Variants in VPS16 observed in about 807,000 individuals in gnomAD.
The protein encoded by VPS16 is vacuolar protein sorting-associated protein 16 homolog.
Under a neutral mutation model 116.0 loss-of-function variants are expected in VPS16, and 82 were observed. That is an observed-to-expected ratio of 0.71 (90% CI 0.59 to 0.85). The LOEUF (loss-of-function observed/expected upper bound fraction) is 0.85. Among genes scored for constraint, VPS16 ranks in the 40% least tolerant of loss-of-function variants. The probability of loss-of-function intolerance (pLI) is 0.00; values close to 1 mark genes in which losing one functional copy is unlikely to be tolerated. For missense variants in VPS16, 928 were observed against 1,090.6 expected, an observed-to-expected ratio of 0.85 and a Z score of 2.10; for synonymous variants, 406 against 420.7, an observed-to-expected ratio of 0.96 and a Z score of 0.43.
chr20:2,863,193 T>C lies in VPS16; in HGVS notation c.1367+93T>C, dbSNP rs886355411. 2 of 1,610,274 alleles carry C rather than the reference T, an allele frequency of 1.2e-6. No homozygotes were observed. Among genetic ancestry groups the C allele is most frequent in the African/African-American group, 1.3e-5 (1 of 74,760 alleles). ...TCTTATGGTCACTGCTCCTGACCTA[T>C]CTAGGATGTGGGAGGCCTGATGTGC... On this transcript the variant is annotated intron_variant, in intron 14 of 23. Coordinates refer to ENST00000380445, the MANE Select transcript of VPS16 (RefSeq NM_022575.4). This position sits in a 1 kb window ranked among gnomAD's most constrained non-coding sequence, Gnocchi z 4.4.
intron 1 of VPS16, among the ~76,000 whole-genome samples, chr20:2,856,170 T>A (rs1271688873): frequency 6.6e-6 from 1 of 152,200 alleles, no homozygotes; most frequent in African/African-American, 2.4e-5. Context: ...CTACACTGTG[T>A]GTCTCAGGGA....
intron 1 of VPS16, among the ~76,000 whole-genome samples, chr20:2,846,054 GAAT>G (rs2089056233): frequency 6.7e-6 from 1 of 150,166 alleles, no homozygotes; most frequent in South Asian, 2.1e-4. Flanking sequence ...TGGCTATTGT[GAAT>G]AATCTGCTGT....
rs1419160906 is a variant in VPS16, at chr20:2,865,607, G to A, written c.2271+112G>A. ...CGTTCATGCTCCTGTTCAGCTGCCC[G>A]CATAGTTAGCGAGTGCTTCCTGTAT... On this transcript the variant is annotated intron_variant, in intron 22 of 23. Transcript: ENST00000380445. This position sits in a 1 kb window ranked among gnomAD's most constrained non-coding sequence, Gnocchi z 5.2. The A allele has an allele frequency of 1.7e-5, 17 of 978,332 alleles. No individual in the cohort carries two copies. Among genetic ancestry groups the A allele is most frequent in the African/African-American group, 1.5e-4 (9 of 61,056 alleles). The allele number at this position is 978,332 out of a possible 1,614,324, so 60.6% of individuals were successfully genotyped here.
intron 1 of VPS16, among the ~76,000 whole-genome samples, chr20:2,851,766 G>T (rs1306164245): frequency 6.6e-6 from 1 of 151,964 alleles, no homozygotes; most frequent in Non-Finnish European, 1.5e-5. Flanking sequence ...TCAGGAGATC[G>T]AGACCATCCT....
intron 1 of VPS16, among the ~76,000 whole-genome samples, chr20:2,854,960 A>ATTTTTTTTTTTTTTTT (rs547295825): frequency 9.1e-6 from 1 of 110,126 alleles, no homozygotes; most frequent in African/African-American, 3.9e-5. Context: ...ATGAGCAGTA[A>ATTTTTTTTTTTTTTTT]TTTTTTTTTT....
At chr20:2,853,973 A>G (rs2089146933) in intron 1 of VPS16, among the ~76,000 whole-genome samples, 1 of 151,838 alleles carries the variant, frequency 6.6e-6, no homozygotes, top group East Asian at 1.9e-4. Flanking sequence ...GTGCCCAGCC[A>G]TGAATCATAA....
chr20:2,862,342 C>G (rs751995278), intron 11 of VPS16: 134 of 992,372 alleles, frequency 1.4e-4, no homozygotes, highest in Middle Eastern at 3.3e-4. Flanking sequence ...CTATCCCCAC[C>G]CAGTCTGGGT....
At chr20:2,850,690 G>A (rs1329178762) in intron 1 of VPS16, among the ~76,000 whole-genome samples, 1 of 151,926 alleles carries the variant, frequency 6.6e-6, no homozygotes, top group Non-Finnish European at 1.5e-5. Context: ...TGATATGGTT[G>A]GACATGGTAG....
Position 2,865,572 on chromosome 20 carries a change from T to C in VPS16, c.2271+77T>C, listed in dbSNP as rs1568631097. On this transcript the variant is annotated intron_variant, in intron 22 of 23. Coordinates refer to ENST00000380445, the MANE Select transcript of VPS16 (RefSeq NM_022575.4). The surrounding 1 kb of genome is among the most constrained non-coding windows in gnomAD (Gnocchi z 5.2). ...AGAGAGGGCTAGGCAGGGAGACAGA[T>C]AGGATGGCCCGTTCATGCTCCTGTT... 4 of 1,356,692 alleles carry C rather than the reference T, an allele frequency of 2.9e-6. No individual in the cohort carries two copies. The highest frequency in any genetic ancestry group is 1.4e-5 in the African/African-American group (1 of 69,370). 84.0% of individuals were successfully genotyped at this position (1,356,692 alleles called of 1,614,324 possible).
chr20:2,863,876 G>A lies in VPS16; in HGVS notation c.1477-73G>A. On this transcript the variant is annotated intron_variant, in intron 15 of 23. Coordinates refer to ENST00000380445, the MANE Select transcript of VPS16 (RefSeq NM_022575.4). This position sits in a 1 kb window ranked among gnomAD's most constrained non-coding sequence, Gnocchi z 4.4. Reference sequence around the variant, plus strand: ...GGGAGGAAGGGAACTGAAGGGGTGGGTCCTAAGGGCTTGCAGGAGTGGAGA... The same window carrying A: ...GGGAGGAAGGGAACTGAAGGGGTGGATCCTAAGGGCTTGCAGGAGTGGAGA... 1 of 1,578,050 alleles carries A rather than the reference G, an allele frequency of 6.3e-7. No individual in the cohort carries two copies. Among genetic ancestry groups the A allele is most frequent in the East Asian group, 2.3e-5 (1 of 44,416 alleles).
intron 8 of VPS16, 41 bp downstream of exon 8, chr20:2,861,321 A>G (rs1456462526): frequency 1.9e-6 from 3 of 1,612,972 alleles, no homozygotes; most frequent in Non-Finnish European, 2.5e-6. Context: ...TGGGTGAGAC[A>G]TAGCTTGCTT....
intron 1 of VPS16, among the ~76,000 whole-genome samples, chr20:2,842,522 G>A (rs982527219): frequency 3.3e-5 from 5 of 151,530 alleles, no homozygotes; most frequent in South Asian, 4.2e-4. Context: ...CAGGAGAATC[G>A]CTTGAACCTG....
At position 2,863,853 on chromosome 20, in the gene VPS16, G is replaced by A. The variant is rs1014971554; in HGVS notation, c.1477-96G>A. The A allele has an allele frequency of 9.4e-6, 14 of 1,484,472 alleles. No homozygotes were observed. Among genetic ancestry groups the A allele is most frequent in the African/African-American group, 4.2e-5 (3 of 71,278 alleles). The allele number at this position is 1,484,472 out of a possible 1,614,324, so 92.0% of individuals were successfully genotyped here. ...AGAAAGAAAGAAGAAGGAAGGGAGGGAGGAAGGGAACTGAAGGGGTGGGTC... is the reference window on the plus strand; with the variant it reads ...AGAAAGAAAGAAGAAGGAAGGGAGGAAGGAAGGGAACTGAAGGGGTGGGTC... On this transcript the variant is annotated intron_variant, in intron 15 of 23. Coordinates refer to ENST00000380445, the MANE Select transcript of VPS16 (RefSeq NM_022575.4). The surrounding 1 kb of genome is among the most constrained non-coding windows in gnomAD (Gnocchi z 4.4).
At chr20:2,844,289 G>A (rs1240514471) in intron 1 of VPS16, among the ~76,000 whole-genome samples, 2 of 152,238 alleles carry the variant, frequency 1.3e-5, no homozygotes, top group Non-Finnish European at 2.9e-5. Context: ...GTGAATGAAT[G>A]ATAAAACAGG....
rs778946598 is a variant in VPS16 at position 2,865,127 on chromosome 20, C to G, written c.2005-21C>G. On this transcript the variant is annotated intron_variant, in intron 20 of 23. Coordinates refer to ENST00000380445, the MANE Select transcript of VPS16 (RefSeq NM_022575.4). The surrounding 1 kb of genome is among the most constrained non-coding windows in gnomAD (Gnocchi z 5.2). ...CTCCTGGTCCCTCATCCCCATCATG[C>G]CTCATTATCCGGGTCCCCAGGCTAC... 2 of 1,614,146 alleles carry G rather than the reference C, an allele frequency of 1.2e-6. No homozygotes were observed. Among genetic ancestry groups the G allele is most frequent in the Non-Finnish European group, 1.7e-6 (2 of 1,179,994 alleles).
chr20:2,859,535 T>A lies in VPS16; in HGVS notation c.54-184T>A, dbSNP rs145135572. 3.9e-5 allele frequency among the ~76,000 whole-genome samples: 6 copies of A among 152,334 alleles called. No individual in the cohort carries two copies. In the East Asian group the frequency reaches 1.2e-3, roughly 29 times the overall value. ...CTCCCTTGCCTGCTGTCCCTAGACATGCATGTGGTCAGTTCACCCAACTTT... is the reference window on the plus strand; with the variant it reads ...CTCCCTTGCCTGCTGTCCCTAGACAAGCATGTGGTCAGTTCACCCAACTTT... On this transcript the variant is annotated intron_variant, in intron 1 of 23. Coordinates refer to ENST00000380445, the MANE Select transcript of VPS16 (RefSeq NM_022575.4).
intron 1 of VPS16, among the ~76,000 whole-genome samples, chr20:2,859,500 A>G (rs1454004869): frequency 6.6e-6 from 1 of 152,126 alleles, no homozygotes; most frequent in East Asian, 1.9e-4. Context: ...TTCCCTGCCA[A>G]CACCCTCTGC....
At chr20:2,862,250 G>A (rs2089237326) in intron 11 of VPS16, 120 bp downstream of exon 11, 2 of 1,210,358 alleles carry the variant, frequency 1.7e-6, no homozygotes, top group East Asian at 5.1e-5. Context: ...CACTGGTCTG[G>A]GCTGGGGAGG....
At chr20:2,862,319 C>T in intron 11 of VPS16, 189 bp downstream of exon 11, 1 of 961,826 alleles carries the variant, frequency 1.0e-6, no homozygotes, top group Non-Finnish European at 1.5e-6. Context: ...TAGGGACGGG[C>T]AGAGCATCCC....
Sources: gnomAD v4.1 joint callset for allele counts (sites outside exome capture counted in the v4.1 genomes callset) on GRCh38, gnomAD v4.1.1 for gene constraint, Gnocchi (gnomAD v3.1) non-coding constraint, MANE v1.5 for transcripts, NCBI Gene and HGNC (gene_info 2026-07-23, HGNC 2026-07-21) for gene names.